TESK2: variants seen among roughly 807,000 people sequenced by gnomAD.
The protein encoded by TESK2 is testis associated actin remodelling kinase 2.
Under a neutral mutation model 57.1 loss-of-function variants are expected in TESK2, and 39 were observed. The observed-to-expected ratio is 0.68, with a 90% CI of 0.53 to 0.89. The LOEUF (loss-of-function observed/expected upper bound fraction) is 0.89, where lower values mean the gene tolerates loss of function less well. TESK2 is among the 40% of genes least tolerant of loss of function. The probability of loss-of-function intolerance (pLI) is 0.00; values close to 1 mark genes in which losing one functional copy is unlikely to be tolerated. For missense variants in TESK2, 646 were observed against 732.1 expected, an observed-to-expected ratio of 0.88 and a Z score of 1.36; for synonymous variants, 249 against 267.9, an observed-to-expected ratio of 0.93 and a Z score of 0.69.
At chr1:45,388,644 G>A (rs772763808) in intron 3 of TESK2, among the ~76,000 whole-genome samples, 1 of 151,324 alleles carries the variant, frequency 6.6e-6, no homozygotes, top group Non-Finnish European at 1.5e-5. Flanking sequence ...TGACTACAAT[G>A]GTTTGAATGT....
chr1:45,422,759 T>TGTTGTTGTTGTTGTTG (rs1553152259), intron 2 of TESK2, among the ~76,000 whole-genome samples: 56 of 147,010 alleles, frequency 3.8e-4, no homozygotes, highest in African/African-American at 1.2e-3. Context: ...TGTCTGGTTT[T>TGTTGTTGTTGTTGTTG]TTGTTGTTGT....
intron 1 of TESK2, among the ~76,000 whole-genome samples, chr1:45,480,846 G>A (rs1653187930): frequency 6.6e-6 from 1 of 151,260 alleles, no homozygotes; most frequent in Admixed American, 6.6e-5. Flanking sequence ...AAATTAGCCA[G>A]GTGTGGTGGT....
chr1:45,343,958 G>C lies in TESK2; in HGVS notation c.*882C>G, dbSNP rs1647100286. The stretch of plus-strand genomic sequence containing the variant: ...TTTACAAAAAAAAAAATCAACAGAA[G>C]CAAGTTATGAAAATATTTGACCAGC... On this transcript the variant is annotated 3_prime_UTR_variant, in exon 11 of 11. Coordinates refer to ENST00000372086, the MANE Select transcript of TESK2 (RefSeq NM_007170.3). This position sits in a 1 kb window ranked among gnomAD's most constrained non-coding sequence, Gnocchi z 4.3. 1 of 412,894 alleles carries C rather than the reference G, an allele frequency of 2.4e-6. No homozygotes were observed. 25.6% of individuals were successfully genotyped at this position (412,894 alleles called of 1,614,324 possible). A position where few individuals can be genotyped will look rare whatever the true frequency, so the allele number is the denominator to read the frequency against.
chr1:45,347,921 A>G lies in TESK2; in HGVS notation c.620T>C (p.Val207Ala). ...AGCATCCAGTAGGGCTACACACCTG[A>G]CATCGGGGATCTTCTCAGCCAGGCC... Reference protein sequence around the residue: ...DFGLAEKIPDVSMGSEKLAVV... With the variant: ...DFGLAEKIPDASMGSEKLAVV... Residue 207 changes from valine (V) to alanine (A), a missense_variant, in exon 6 of 11, where the codon GTC becomes GCC. Coordinates refer to ENST00000372086, the MANE Select transcript of TESK2 (RefSeq NM_007170.3). 1 of 1,611,822 alleles carries G rather than the reference A, an allele frequency of 6.2e-7. No homozygotes were observed. The highest frequency in any genetic ancestry group is 8.5e-7 in the Non-Finnish European group (1 of 1,177,844).
chr1:45,460,766 AAAT>A (rs904197910), intron 1 of TESK2, among the ~76,000 whole-genome samples: 2 of 151,886 alleles, frequency 1.3e-5, no homozygotes, highest in African/African-American at 4.8e-5. Flanking sequence ...ATCACTAAAA[AAAT>A]AATAATAATT....
intron 2 of TESK2, among the ~76,000 whole-genome samples, chr1:45,436,178 CTTCTTTTTTTT>C (rs1651207468): frequency 7.7e-5 from 1 of 12,970 alleles, no homozygotes; most frequent in African/African-American, 1.8e-4. Context: ...ACATTGGTAT[CTTCTTTTTTTT>C]TTTTTTTTTT....
chr1:45,483,637 T>C (rs1026224343), intron 1 of TESK2, among the ~76,000 whole-genome samples: 6 of 151,618 alleles, frequency 4.0e-5, no homozygotes, highest in Admixed American at 3.9e-4. Flanking sequence ...AGCCAGGTTA[T>C]GCAACACCAT....
chr1:45,370,628 G>A (rs1450137455), intron 4 of TESK2, among the ~76,000 whole-genome samples: 1 of 152,198 alleles, frequency 6.6e-6, no homozygotes, highest in African/African-American at 2.4e-5. Context: ...CTAAGCTGGG[G>A]CCTGAGGAAT....
chr1:45,401,348 G>A (rs1048333759), intron 3 of TESK2, among the ~76,000 whole-genome samples: 1 of 150,946 alleles, frequency 6.6e-6, no homozygotes, highest in Admixed American at 6.6e-5. Context: ...AGTGAGCCGA[G>A]ATCTCACCAT....
At chr1:45,484,178 G>A (rs898232304) in intron 1 of TESK2, among the ~76,000 whole-genome samples, 3 of 144,954 alleles carry the variant, frequency 2.1e-5, no homozygotes, top group Admixed American at 7.2e-5. Context: ...GCGCGATCTC[G>A]GCTCACTGCA....
rs76998676 is a variant in TESK2, at chr1:45,408,344, A to C, written c.344+13381T>G. ...CTTTTTTGTATGGGATTTTTTTTTAAATTTTTTCCTCTGTGGAAATGTTTA... is the reference window on the plus strand; with the variant it reads ...CTTTTTTGTATGGGATTTTTTTTTACATTTTTTCCTCTGTGGAAATGTTTA... On this transcript the variant is annotated intron_variant, in intron 3 of 10. Transcript: ENST00000372086. Among the ~76,000 whole-genome samples the C allele has an allele frequency of 5.3e-5, 8 of 151,936 alleles. No individual in the cohort carries two copies. In the East Asian group the frequency reaches 1.5e-3, roughly 29 times the overall value.
chr1:45,424,395 G>C (rs1401431304), intron 2 of TESK2, among the ~76,000 whole-genome samples: 3 of 152,160 alleles, frequency 2.0e-5, no homozygotes, highest in Non-Finnish European at 4.4e-5. Context: ...CAGAACACTG[G>C]CTGCCTCTCC....
chr1:45,475,829 T>C (rs998479208), intron 1 of TESK2, among the ~76,000 whole-genome samples: 9 of 152,180 alleles, frequency 5.9e-5, no homozygotes, highest in African/African-American at 1.4e-4. Flanking sequence ...CTTCCGGCCT[T>C]CATCTTTCTC....
chr1:45,375,422 C>CA (rs1557548170), intron 4 of TESK2, among the ~76,000 whole-genome samples: 90 of 126,102 alleles, frequency 7.1e-4, no homozygotes, highest in African/African-American at 3.1e-3. Flanking sequence ...GTTCCTTCAC[C>CA]CTTTTTTTTT....
chr1:45,415,664 C>A (rs1036023835), intron 3 of TESK2, among the ~76,000 whole-genome samples: 8 of 152,204 alleles, frequency 5.3e-5, no homozygotes, highest in Non-Finnish European at 1.2e-4. Context: ...ATACCAGGTA[C>A]TATTCTAAGT....
At chr1:45,439,477 GA>G (rs1222688650) in intron 2 of TESK2, among the ~76,000 whole-genome samples, 2 of 152,120 alleles carry the variant, frequency 1.3e-5, no homozygotes, top group African/African-American at 4.8e-5. Context: ...CTATATAACA[GA>G]AATAATAACT....
intron 5 of TESK2, among the ~76,000 whole-genome samples, chr1:45,348,357 A>G (rs1012846998): frequency 1.3e-5 from 2 of 152,244 alleles, no homozygotes; most frequent in African/African-American, 4.8e-5. Context: ...ACAGACTATC[A>G]GGCCCCTGGC....
At chr1:45,479,813 C>CTTTTTTTTTT (rs35869444) in intron 1 of TESK2, among the ~76,000 whole-genome samples, 5 of 68,538 alleles carry the variant, frequency 7.3e-5, no homozygotes, top group Non-Finnish European at 1.0e-4. Flanking sequence ...GAAGGCCCTT[C>CTTTTTTTTTT]TTTTTTTTTT....
Position 45,374,938 on chromosome 1 carries a change from G to A in TESK2, c.393+10974C>T, listed in dbSNP as rs138246815. On this transcript the variant is annotated intron_variant, in intron 4 of 10. Transcript: ENST00000372086. ...ACCCCACAGCCAATGCATCAGGAAA[G>A]CCTATTTGTTTGTTTTTCTTCTGCT... 2.2e-3 allele frequency among the ~76,000 whole-genome samples: 341 copies of A among 152,254 alleles called. 5 individuals carry two copies. Among genetic ancestry groups the A allele is most frequent in the African/African-American group, 7.9e-3 (328 of 41,554 alleles).
Sources: gnomAD v4.1 joint callset for allele counts (sites outside exome capture counted in the v4.1 genomes callset) on GRCh38, gnomAD v4.1.1 for gene constraint, Gnocchi (gnomAD v3.1) non-coding constraint, MANE v1.5 for transcripts, NCBI Gene and HGNC (gene_info 2026-07-23, HGNC 2026-07-21) for gene names.